ANKS1B: variants seen among roughly 807,000 people sequenced by gnomAD.
The protein encoded by ANKS1B is ankyrin repeat and sterile alpha motif domain containing 1B.
Under a neutral mutation model 148.3 loss-of-function variants are expected in ANKS1B, and 36 were observed. The observed-to-expected ratio is 0.24, with a 90% CI of 0.19 to 0.32. The LOEUF is 0.32. ANKS1B is among the 10% of genes least tolerant of loss of function. The pLI, the probability that ANKS1B is intolerant of heterozygous loss-of-function variation, is 1.00. For synonymous variants in ANKS1B, 542 were observed against 560.8 expected (o/e 0.97, Z 0.47); for missense variants, 1,157 against 1,542.6 (o/e 0.75, Z 4.19).
intron 14 of ANKS1B, among the ~76,000 whole-genome samples, chr12:99,177,107 T>C (rs1265468899): frequency 2.0e-5 from 3 of 152,142 alleles, no homozygotes; most frequent in Non-Finnish European, 4.4e-5. Flanking sequence ...AGACAACAGG[T>C]TGTACCAGGC....
chr12:99,982,097 A>G (rs1169943692), intron 1 of ANKS1B, among the ~76,000 whole-genome samples: 1 of 152,096 alleles, frequency 6.6e-6, no homozygotes, highest in African/African-American at 2.4e-5. Flanking sequence ...TTTAAAGGTT[A>G]TTGGTTTTGT....
At chr12:99,423,195 G>A (rs539209555) in intron 11 of ANKS1B, among the ~76,000 whole-genome samples, 5 of 151,622 alleles carry the variant, frequency 3.3e-5, no homozygotes, top group African/African-American at 1.2e-4. Context: ...AAGAGATTGA[G>A]AACTATGAAT....
At chr12:98,778,449 C>T (rs1430401284) in intron 24 of ANKS1B, among the ~76,000 whole-genome samples, 1 of 152,198 alleles carries the variant, frequency 6.6e-6, no homozygotes, top group African/African-American at 2.4e-5. Flanking sequence ...TTTAAATATG[C>T]TTGCATATTA....
chr12:99,253,217 C>T (rs963540712), intron 12 of ANKS1B, among the ~76,000 whole-genome samples: 2 of 151,174 alleles, frequency 1.3e-5, no homozygotes, highest in Non-Finnish European at 2.9e-5. Flanking sequence ...CAGAGTGAGA[C>T]CTTCTCTAGA....
chr12:99,935,944 A>T (rs147363859), intron 1 of ANKS1B, among the ~76,000 whole-genome samples: 9 of 152,270 alleles, frequency 5.9e-5, no homozygotes, highest in Non-Finnish European at 1.2e-4. Context: ...CGCATGGCTG[A>T]GGCCTCAGGA....
At chr12:99,665,310 T>G (rs2098500540) in intron 8 of ANKS1B, among the ~76,000 whole-genome samples, 1 of 152,150 alleles carries the variant, frequency 6.6e-6, no homozygotes, top group African/African-American at 2.4e-5. Flanking sequence ...GCATGTAGAG[T>G]TATCGCAATA....
chr12:98,854,511 T>C (rs2099551363), intron 17 of ANKS1B, among the ~76,000 whole-genome samples: 1 of 152,222 alleles, frequency 6.6e-6, no homozygotes, highest in South Asian at 2.1e-4. Context: ...TCCCCTGTTT[T>C]ACAAAGAAGG....
chr12:99,895,042 C>A (rs567455514), intron 1 of ANKS1B, among the ~76,000 whole-genome samples: 1 of 150,838 alleles, frequency 6.6e-6, no homozygotes. Flanking sequence ...TTTTATATGT[C>A]AATTTGGCTG....
intron 15 of ANKS1B, among the ~76,000 whole-genome samples, chr12:99,133,565 GA>G (rs551309337): frequency 0.012 from 1,825 of 152,216 alleles, 20 homozygotes; most frequent in Admixed American, 0.017. Context: ...TCTCTTCAGT[GA>G]AAGGGGTTGC....
In ANKS1B at chr12:98,751,795, C is replaced by G. The variant is rs2098099722; in HGVS notation, c.3580-273G>C. Among the ~76,000 whole-genome samples, 1 of 152,166 alleles carries G rather than the reference C, an allele frequency of 6.6e-6. No homozygotes were observed. The highest frequency in any genetic ancestry group is 6.5e-5 in the Admixed American group (1 of 15,282). The stretch of plus-strand genomic sequence containing the variant: ...TCAGCTGGGAACTGTGTTGGGCAAA[C>G]CTGCCTTGCATTCTATTCCTAAATA... On this transcript the variant is annotated intron_variant, in intron 25 of 26. Coordinates refer to ENST00000683438, the MANE Select transcript of ANKS1B (RefSeq NM_001352186.2). This position sits in a 1 kb window ranked among gnomAD's most constrained non-coding sequence, Gnocchi z 4.3.
chr12:99,292,626 C>G (rs1218939561), intron 12 of ANKS1B, among the ~76,000 whole-genome samples: 3 of 151,622 alleles, frequency 2.0e-5, no homozygotes, highest in Non-Finnish European at 4.4e-5. Flanking sequence ...TATCCAGAAT[C>G]TACAAAGAAC....
intron 8 of ANKS1B, among the ~76,000 whole-genome samples, chr12:99,763,027 G>A (rs924574349): frequency 3.3e-5 from 5 of 151,870 alleles, no homozygotes; most frequent in African/African-American, 1.2e-4. Flanking sequence ...AAAAGGGATC[G>A]CTTAAACACT....
At chr12:99,565,456 G>C (rs2097379848) in intron 9 of ANKS1B, among the ~76,000 whole-genome samples, 1 of 152,102 alleles carries the variant, frequency 6.6e-6, no homozygotes. Context: ...GTTCTAATGG[G>C]GGAAAATGAA....
intron 9 of ANKS1B, among the ~76,000 whole-genome samples, chr12:99,614,315 G>A (rs182162291): frequency 9.2e-5 from 14 of 151,946 alleles, no homozygotes; most frequent in South Asian, 8.4e-4. Context: ...CATGCCTGTA[G>A]TCCCAGCTAC....
intron 12 of ANKS1B, among the ~76,000 whole-genome samples, chr12:99,322,304 T>C (rs1452861094): frequency 1.3e-5 from 2 of 151,824 alleles, no homozygotes; most frequent in East Asian, 1.9e-4. Flanking sequence ...AGTTGTATAA[T>C]GAGAACACAT....
chr12:99,135,274 G>A (rs1269351941), intron 15 of ANKS1B, among the ~76,000 whole-genome samples: 1 of 152,158 alleles, frequency 6.6e-6, no homozygotes, highest in African/African-American at 2.4e-5. Context: ...AAAAGACATG[G>A]AGGAATGATG....
At chr12:99,188,558 A>C (rs2080202345) in intron 14 of ANKS1B, among the ~76,000 whole-genome samples, 1 of 152,334 alleles carries the variant, frequency 6.6e-6, no homozygotes, top group Non-Finnish European at 1.5e-5. Flanking sequence ...AAACCACACA[A>C]CTACATGGAA....
intron 15 of ANKS1B, among the ~76,000 whole-genome samples, chr12:99,100,885 A>G (rs2153673878): frequency 6.6e-6 from 1 of 152,348 alleles, no homozygotes; most frequent in Middle Eastern, 3.4e-3. Context: ...TACAGAGAAA[A>G]GATTCCTGAA....
chr12:99,430,435 G>T (rs1296051615), intron 11 of ANKS1B, among the ~76,000 whole-genome samples: 1 of 152,164 alleles, frequency 6.6e-6, no homozygotes, highest in Non-Finnish European at 1.5e-5. Context: ...TGAAGATTTT[G>T]ATGTCTGGCA....
Sources: gnomAD v4.1 joint callset for allele counts (sites outside exome capture counted in the v4.1 genomes callset) on GRCh38, gnomAD v4.1.1 for gene constraint, Gnocchi (gnomAD v3.1) non-coding constraint, MANE v1.5 for transcripts, NCBI Gene and HGNC (gene_info 2026-07-23, HGNC 2026-07-21) for gene names.